PTPRU: variants seen among roughly 807,000 people sequenced by gnomAD.
PTPRU encodes receptor-type tyrosine-protein phosphatase U.
In PTPRU, 69 loss-of-function variants were observed where a neutral mutation model predicts 166.3. The ratio of observed to expected loss-of-function variants is 0.41; its 90% CI spans 0.34 to 0.51. The LOEUF (loss-of-function observed/expected upper bound fraction) is 0.51, where lower values mean the gene tolerates loss of function less well. PTPRU is among the 20% of genes least tolerant of loss of function. The probability of loss-of-function intolerance (pLI) is 0.09; values close to 1 mark genes in which losing one functional copy is unlikely to be tolerated. For synonymous variants in PTPRU, 793 were observed against 814.0 expected (o/e 0.97, Z 0.44); for missense variants, 1,657 against 2,013.7 (o/e 0.82, Z 3.39).
At chr1:29,258,381 A>T in intron 2 of PTPRU, 124 bp from the exon 3 acceptor site, 1 of 1,091,442 alleles carries the variant, frequency 9.2e-7, no homozygotes, top group Non-Finnish European at 1.3e-6. Flanking sequence ...TGGGGCCAGA[A>T]CTCAGAATCC....
At chr1:29,319,216 G>A (rs1306285921) in intron 25 of PTPRU, among the ~76,000 whole-genome samples, 7 of 152,196 alleles carry the variant, frequency 4.6e-5, no homozygotes, top group African/African-American at 1.7e-4. Context: ...ATGTAGTACC[G>A]GGAAGATCTT....
At position 29,271,170 on chromosome 1, in the gene PTPRU, T is replaced by G. The variant is rs1339583096; in HGVS notation, c.1145-4278T>G. Among the ~76,000 whole-genome samples, 1 of 152,236 alleles carries G rather than the reference T, an allele frequency of 6.6e-6. No homozygotes were observed. The highest frequency in any genetic ancestry group is 2.4e-5 in the African/African-American group (1 of 41,468). On this transcript the variant is annotated intron_variant, in intron 7 of 29. Transcript: ENST00000373779. This position sits in a 1 kb window ranked among gnomAD's most constrained non-coding sequence, Gnocchi z 4.4. ...ATCCTCATTGTTTTAATGTGCATTT[T>G]GACCTCTGATCTCGGAGTGACCTGT...
At chr1:29,249,478 A>G (rs1478545666) in intron 1 of PTPRU, among the ~76,000 whole-genome samples, 2 of 152,210 alleles carry the variant, frequency 1.3e-5, no homozygotes, top group Non-Finnish European at 2.9e-5. Context: ...TCACCCTCTC[A>G]GGGAGGCCTC....
At chr1:29,270,328 A>G (rs1237773096) in intron 7 of PTPRU, among the ~76,000 whole-genome samples, 1 of 151,894 alleles carries the variant, frequency 6.6e-6, no homozygotes, top group Non-Finnish European at 1.5e-5. Flanking sequence ...TCTTTTTTTG[A>G]CAGAGCCTCA....
chr1:29,319,146 C>T (rs1409710887), intron 25 of PTPRU, among the ~76,000 whole-genome samples: 1 of 152,140 alleles, frequency 6.6e-6, no homozygotes, highest in Non-Finnish European at 1.5e-5. Context: ...ATGTGTGTGC[C>T]CACATGCTCG....
chr1:29,293,597 C>A (rs1307735022), intron 15 of PTPRU, among the ~76,000 whole-genome samples: 1 of 151,834 alleles, frequency 6.6e-6, no homozygotes, highest in Non-Finnish European at 1.5e-5. Context: ...GCCTCAGTCT[C>A]CCTAGTAGCT....
At position 29,310,774 on chromosome 1, in the gene PTPRU, A is replaced by G. The variant is rs2151966351; in HGVS notation, c.2851A>G (p.Thr951Ala). The change falls in exon 19 of 30, where the codon ACT (threonine) becomes GCT (alanine). Residue 951 changes from threonine to alanine, a missense_variant. By Grantham distance (58) the Thr-to-Ala change is moderately conservative. Around this residue, in one of 3 missense-constraint regions of PTPRU, gnomAD observed 1,190 missense variants for 1,477.4 expected, o/e 0.81. Coordinates refer to ENST00000373779, the MANE Select transcript of PTPRU (RefSeq NM_133178.4). ...GYHRSNHFIA[T>A]QGPKPEMVYD... Reference sequence around the variant, plus strand: ...CCACAGGTCAAACCACTTCATAGCCACTCAAGGTACCTGGCACTTCTGCCC... The same window carrying G: ...CCACAGGTCAAACCACTTCATAGCCGCTCAAGGTACCTGGCACTTCTGCCC... The G allele has an allele frequency of 1.9e-6, 3 of 1,613,716 alleles. No individual in the cohort carries two copies. In the East Asian group the frequency reaches 6.7e-5, roughly 36 times the overall value.
At chr1:29,324,786 C>A (rs1210302481) in intron 28 of PTPRU, among the ~76,000 whole-genome samples, 1 of 152,186 alleles carries the variant, frequency 6.6e-6, no homozygotes, top group African/African-American at 2.4e-5. Flanking sequence ...TTCCCTAGCC[C>A]CGCCCCTTAC....
rs1323567063 is a variant in PTPRU, at chr1:29,238,171, C to T, written c.73+1454C>T. Among the ~76,000 whole-genome samples, 1 of 151,932 alleles carries T rather than the reference C, an allele frequency of 6.6e-6. No homozygotes were observed. The highest frequency in any genetic ancestry group is 2.4e-5 in the African/African-American group (1 of 41,366). On this transcript the variant is annotated intron_variant, in intron 1 of 29. Coordinates refer to ENST00000373779, the MANE Select transcript of PTPRU (RefSeq NM_133178.4). The surrounding 1 kb of genome is among the most constrained non-coding windows in gnomAD (Gnocchi z 6.1). ...GAGTCTGGTGTCTTTGGTGTGCGTG[C>T]GCGTGTGTGTGTGCGCGCAGCTGAA...
At chr1:29,281,738 T>C (rs1686090598) in intron 11 of PTPRU, among the ~76,000 whole-genome samples, 1 of 152,182 alleles carries the variant, frequency 6.6e-6, no homozygotes, top group Non-Finnish European at 1.5e-5. Flanking sequence ...TGTCCAACAC[T>C]CTGGGATGAT....
intron 14 of PTPRU, among the ~76,000 whole-genome samples, chr1:29,285,323 G>A (rs1251265067): frequency 3.3e-5 from 5 of 152,184 alleles, no homozygotes; most frequent in African/African-American, 1.2e-4. Flanking sequence ...CTGAGCCATG[G>A]CTCTTCCCGG....
intron 14 of PTPRU, among the ~76,000 whole-genome samples, chr1:29,286,572 C>T (rs1442039854): frequency 6.6e-6 from 1 of 152,076 alleles, no homozygotes; most frequent in Non-Finnish European, 1.5e-5. Context: ...CCCTGACTTT[C>T]CCCCAGCAGG....
At chr1:29,256,452 C>T (rs765563391) in intron 2 of PTPRU, among the ~76,000 whole-genome samples, 35 of 152,278 alleles carry the variant, frequency 2.3e-4, no homozygotes, top group Non-Finnish European at 4.3e-4. Flanking sequence ...GCCTAGCTCA[C>T]GTCATGGCTG....
At chr1:29,321,688 G>T (rs1198282164) in intron 26 of PTPRU, among the ~76,000 whole-genome samples, 2 of 152,174 alleles carry the variant, frequency 1.3e-5, no homozygotes, top group Non-Finnish European at 2.9e-5. Flanking sequence ...GTAAAATGGG[G>T]GCCATCATAG....
At chr1:29,324,242 C>T (rs143203265) in intron 28 of PTPRU, among the ~76,000 whole-genome samples, 1 of 152,362 alleles carries the variant, frequency 6.6e-6, no homozygotes, top group Non-Finnish European at 1.5e-5. Context: ...TGCAGTCACT[C>T]CTTTGCTCCC....
chr1:29,277,701 G>T (rs1315576274), intron 8 of PTPRU, among the ~76,000 whole-genome samples: 1 of 150,030 alleles, frequency 6.7e-6, no homozygotes, highest in South Asian at 2.1e-4. Flanking sequence ...TATGTGGTAG[G>T]TTACTATTTC....
chr1:29,268,081 G>A (rs1162343381), intron 7 of PTPRU, among the ~76,000 whole-genome samples: 2 of 152,240 alleles, frequency 1.3e-5, no homozygotes, highest in Non-Finnish European at 2.9e-5. Context: ...GGAGCGGACT[G>A]TGGTGGCAGC....
intron 26 of PTPRU, among the ~76,000 whole-genome samples, chr1:29,321,569 G>T (rs776456690): frequency 1.3e-5 from 2 of 152,192 alleles, no homozygotes; most frequent in African/African-American, 4.8e-5. Context: ...CCACTAAAGC[G>T]CCCATCATGG....
rs1045453 is a variant in PTPRU, at chr1:29,317,816, C to T, written c.3582C>T (p.Arg1194=). The change falls in exon 25 of 30, where the codon CGC becomes CGT. Residue 1194 remains arginine (R), a synonymous_variant. Transcript: ENST00000373779. The surrounding 1 kb of genome is among the most constrained non-coding windows in gnomAD (Gnocchi z 5.6). ...ECSIALLPRN[R]DKNRSMDVLP... is the part of the protein sequence containing the mutation. ...GCATCGCCCTGTTGCCCCGGAACCGCGACAAGAACCGCAGCATGGACGTCC... is the reference window on the plus strand; with the variant it reads ...GCATCGCCCTGTTGCCCCGGAACCGTGACAAGAACCGCAGCATGGACGTCC... 0.097 allele frequency: 157,140 copies of T among 1,613,396 alleles called. 8,412 individuals carry two copies. Among genetic ancestry groups the T allele is most frequent in the Middle Eastern group, 0.19 (1,127 of 6,060 alleles).
Sources: gnomAD v4.1 joint callset for allele counts (sites outside exome capture counted in the v4.1 genomes callset) on GRCh38, gnomAD v4.1.1 for gene constraint, gnomAD v4.1.1 regional missense constraint, Gnocchi (gnomAD v3.1) non-coding constraint, MANE v1.5 for transcripts, NCBI Gene and HGNC (gene_info 2026-07-23, HGNC 2026-07-21) for gene names.